The following LYRM7 variants were observed in gnomAD, a reference collection of about 807,000 sequenced individuals.
LYRM7 encodes LYR motif containing 7, also known as complex III assembly factor LYRM7.
In LYRM7, 9 loss-of-function variants were observed where a neutral mutation model predicts 15.8. The observed-to-expected ratio is 0.57, with a 90% CI of 0.34 to 0.99. LYRM7 has a LOEUF of 0.99. LYRM7 is among the 50% of genes least tolerant of loss of function. LYRM7 has a pLI of 0.02. For missense variants in LYRM7, 115 were observed against 119.1 expected (o/e 0.97, Z 0.16); for synonymous variants, 39 against 39.4 (o/e 0.99, Z 0.04).
intron 4 of LYRM7, among the ~76,000 whole-genome samples, chr5:131,197,553 T>TC (rs1471464860): frequency 6.9e-6 from 1 of 144,774 alleles, no homozygotes; most frequent in East Asian, 2.0e-4. Context: ...TTTTTTTTTT[T>TC]TTTTTTTTTT....
At position 131,189,542 on chromosome 5, in the gene LYRM7, G is replaced by A. The variant is rs563595982; in HGVS notation, c.244+2433G>A. Among the ~76,000 whole-genome samples, 289 of 150,920 alleles carry A rather than the reference G, an allele frequency of 1.9e-3. 3 individuals are homozygous for A. Among genetic ancestry groups the A allele is most frequent in the African/African-American group, 6.6e-3 (273 of 41,172 alleles). ...AGTTGGTTTGTATATGGTATGAGAT[G>A]GGAGGGTCAAGATTTATTTTTTTAC... On this transcript the variant is annotated intron_variant, in intron 4 of 4. Coordinates refer to ENST00000379380, the MANE Select transcript of LYRM7 (RefSeq NM_181705.4).
chr5:131,195,962 T>G (rs561674981), intron 4 of LYRM7, among the ~76,000 whole-genome samples: 22 of 152,216 alleles, frequency 1.4e-4, no homozygotes, highest in Non-Finnish European at 3.1e-4. Context: ...TAACCAAACA[T>G]CCTTGATTTC....
At chr5:131,184,637 T>TGGC (rs1755764421) in intron 3 of LYRM7, among the ~76,000 whole-genome samples, 13 of 125,768 alleles carry the variant, frequency 1.0e-4, no homozygotes, top group African/African-American at 3.8e-4. Flanking sequence ...GAATTTTTTT[T>TGGC]GGCGGGGGGG....
intron 1 of LYRM7, among the ~76,000 whole-genome samples, chr5:131,179,331 T>A (rs1352364183): frequency 2.0e-5 from 3 of 152,148 alleles, no homozygotes; most frequent in African/African-American, 7.2e-5. Flanking sequence ...CAACTATTTT[T>A]AAAAATAGTC....
chr5:131,187,636 C>A (rs778506759), intron 4 of LYRM7, among the ~76,000 whole-genome samples: 31 of 152,052 alleles, frequency 2.0e-4, no homozygotes, highest in Non-Finnish European at 3.7e-4. Flanking sequence ...AGGCACACAC[C>A]ACCCATGCCC....
At chr5:131,183,915 A>G (rs1201902714) in intron 3 of LYRM7, among the ~76,000 whole-genome samples, 1 of 152,214 alleles carries the variant, frequency 6.6e-6, no homozygotes, top group African/African-American at 2.4e-5. Context: ...TATGAAAAAT[A>G]ACTATTTTTA....
intron 4 of LYRM7, among the ~76,000 whole-genome samples, chr5:131,190,135 CAAA>C (rs573413593): frequency 4.9e-5 from 4 of 82,150 alleles, no homozygotes; most frequent in African/African-American, 9.0e-5. Context: ...CCCTGTCTCA[CAAA>C]AAAAAAAAAA....
In LYRM7 at chr5:131,203,201, A is replaced by G. The variant is rs1301632641; in HGVS notation, c.*3600A>G. On this transcript the variant is annotated 3_prime_UTR_variant, in exon 5 of 5. Transcript: ENST00000379380. ...AGCCAAAGTGGATACATGCAAAATT[A>G]ATATAGTTTTACTGTATATCAGTTG... 6.6e-6 allele frequency: 1 copy of G among 152,380 alleles called. No individual in the cohort carries two copies. Among genetic ancestry groups the G allele is most frequent in the Non-Finnish European group, 1.5e-5 (1 of 68,042 alleles). The allele number at this position is 152,380 out of a possible 1,614,324, so 9.4% of individuals were successfully genotyped here.
intron 1 of LYRM7, among the ~76,000 whole-genome samples, chr5:131,178,205 A>G (rs1056931237): frequency 6.6e-6 from 1 of 152,222 alleles, no homozygotes; most frequent in Non-Finnish European, 1.5e-5. Flanking sequence ...TCTAGCACAC[A>G]GTATGCTTAG....
At chr5:131,180,021 C>A in intron 1 of LYRM7, 74 bp from the exon 2 acceptor site, 2 of 1,001,278 alleles carry the variant, frequency 2.0e-6, no homozygotes, top group Admixed American at 1.9e-5. Context: ...ATCCTGCTAC[C>A]TCAACTTCCC....
chr5:131,171,092 C>T, intron 1 of LYRM7, 54 bp downstream of exon 1: 1 of 1,472,286 alleles, frequency 6.8e-7, no homozygotes, highest in East Asian at 2.8e-5. Flanking sequence ...GGTATGTTCG[C>T]GTCCTTGAGA....
intron 4 of LYRM7, among the ~76,000 whole-genome samples, chr5:131,191,155 G>A (rs1755880323): frequency 6.6e-6 from 1 of 151,154 alleles, no homozygotes; most frequent in African/African-American, 2.4e-5. Flanking sequence ...TTCTTTCTGT[G>A]TGTGTGTGTA....
chr5:131,191,582 A>T (rs1002955263), intron 4 of LYRM7, among the ~76,000 whole-genome samples: 4 of 152,130 alleles, frequency 2.6e-5, no homozygotes, highest in Non-Finnish European at 4.4e-5. Context: ...AATTTTTTTT[A>T]AAAATCACTT....
At chr5:131,173,893 G>A (rs767455041) in intron 1 of LYRM7, among the ~76,000 whole-genome samples, 5 of 152,222 alleles carry the variant, frequency 3.3e-5, no homozygotes, top group Admixed American at 6.5e-5. Flanking sequence ...GCTGCTAATT[G>A]ATCAGATTGG....
chr5:131,194,747 C>T (rs1755937051), intron 4 of LYRM7, among the ~76,000 whole-genome samples: 1 of 151,950 alleles, frequency 6.6e-6, no homozygotes, highest in Admixed American at 6.6e-5. Flanking sequence ...TTTCTGGCAC[C>T]CCACGAGAGA....
intron 4 of LYRM7, among the ~76,000 whole-genome samples, chr5:131,187,891 T>C (rs1755822671): frequency 6.6e-6 from 1 of 152,132 alleles, no homozygotes; most frequent in Non-Finnish European, 1.5e-5. Context: ...TTCAGCAAAA[T>C]CTCATTTCAC....
chr5:131,197,547 T>TC (rs1377903618), intron 4 of LYRM7, among the ~76,000 whole-genome samples: 5 of 140,186 alleles, frequency 3.6e-5, no homozygotes, highest in Admixed American at 3.5e-4. Flanking sequence ...CTGTCTTTTT[T>TC]TTTTTTTTTT....
In LYRM7 at chr5:131,197,541, C is replaced by CTTTTTTTTT. The variant is rs60003952; in HGVS notation, c.245-1976_245-1968dup. Among the ~76,000 whole-genome samples, 25 of 90,742 alleles carry CTTTTTTTTT rather than the reference C, an allele frequency of 2.8e-4. 1 individual carries two copies. The highest frequency in any genetic ancestry group is 7.7e-4 in the East Asian group (2 of 2,612). The allele number at this position is 90,742 out of a possible 152,430, so 59.5% of individuals were successfully genotyped here. On this transcript the variant is annotated intron_variant, in intron 4 of 4. Transcript: ENST00000379380. ...AATTTGTTTTAGTGTTGTCTTCTGTCTTTTTTTTTTTTTTTTTTTTTTGAG... is the reference window on the plus strand; with the variant it reads ...AATTTGTTTTAGTGTTGTCTTCTGTCTTTTTTTTTTTTTTTTTTTTTTTTTTTTTTTGAG...
In LYRM7 at chr5:131,203,022, T is replaced by A. The variant is rs1471481653; in HGVS notation, c.*3421T>A. 2 of 152,324 alleles carry A rather than the reference T, an allele frequency of 1.3e-5. No individual in the cohort carries two copies. The highest frequency in any genetic ancestry group is 3.7e-4 in the East Asian group (2 of 5,336). The allele number at this position is 152,324 out of a possible 1,614,324, so 9.4% of individuals were successfully genotyped here. A position where few individuals can be genotyped will look rare whatever the true frequency, so the allele number is the denominator to read the frequency against. ...TAGTTCTTATTTTCCTGTAGATGCA[T>A]CTCACAGCATCAGTACAATACCAAA... On this transcript the variant is annotated 3_prime_UTR_variant, in exon 5 of 5. Coordinates refer to ENST00000379380, the MANE Select transcript of LYRM7 (RefSeq NM_181705.4).
Sources: allele counts gnomAD v4.1 joint callset (sites outside exome capture counted in the v4.1 genomes callset), GRCh38; gene constraint gnomAD v4.1.1; transcripts MANE v1.5; gene names NCBI Gene and HGNC (gene_info 2026-07-23, HGNC 2026-07-21).